The following ZMYND8 variants were observed in gnomAD, a reference collection of about 807,000 sequenced individuals.
The protein encoded by ZMYND8 is MYND-type zinc finger-containing chromatin reader ZMYND8.
Under a neutral mutation model 140.8 loss-of-function variants are expected in ZMYND8, and 37 were observed. The ratio of observed to expected loss-of-function variants is 0.26; its 90% CI spans 0.20 to 0.35. ZMYND8 has a LOEUF of 0.35. Among genes scored for constraint, ZMYND8 ranks in the 10% least tolerant of loss-of-function variants. The pLI is 1.00. For missense variants in ZMYND8, 1,068 were observed against 1,570.0 expected, an observed-to-expected ratio of 0.68 and a Z score of 5.40; for synonymous variants, 592 against 597.1, an observed-to-expected ratio of 0.99 and a Z score of 0.12.
rs371071088 is a variant in ZMYND8 at position 47,290,257 on chromosome 20, C to T, written c.678G>A (p.Met226Ile). The change falls in exon 7 of 23, where the codon ATG (methionine) becomes ATA (isoleucine). Residue 226 changes from methionine (M) to isoleucine (I), a missense_variant. Transcript: ENST00000471951. ...CCAGGAAGGCTTCTGTGCAGCCATA[C>T]ATTTTCTTTTTCGCATTCTGGGAAG... ...CTLEKNAKKK[M>I]YGCTEAFLAD... 6.2e-7 allele frequency: 1 copy of T among 1,613,226 alleles called. No homozygotes were observed. The highest frequency in any genetic ancestry group is 1.3e-5 in the African/African-American group (1 of 74,888).
intron 4 of ZMYND8, among the ~76,000 whole-genome samples, chr20:47,297,815 A>C (rs982535553): frequency 1.3e-5 from 2 of 152,198 alleles, no homozygotes; most frequent in African/African-American, 4.8e-5. Context: ...AAAACATCAG[A>C]GTTGGGGGTC....
At chr20:47,255,594 G>GTGTGTA (rs1555924059) in intron 12 of ZMYND8, among the ~76,000 whole-genome samples, 1 of 124,314 alleles carries the variant, frequency 8.0e-6, no homozygotes, top group Non-Finnish European at 1.6e-5. Flanking sequence ...GTGTGTGTGT[G>GTGTGTA]TATATATATA....
intron 2 of ZMYND8, chr20:47,319,091 C>T: frequency 7.7e-7 from 1 of 1,301,298 alleles, no homozygotes. Context: ...GCAAAGAGAA[C>T]AGGCTAAGAG....
chr20:47,216,084 C>T (rs1199672376), intron 21 of ZMYND8, among the ~76,000 whole-genome samples: 3 of 152,166 alleles, frequency 2.0e-5, no homozygotes, highest in East Asian at 1.9e-4. Context: ...CAGCCCTGAG[C>T]GCCCAGGGAT....
chr20:47,348,040 A>G (rs1357493919), intron 1 of ZMYND8, 114 bp from the exon 2 acceptor site: 3 of 1,026,744 alleles, frequency 2.9e-6, no homozygotes, highest in Non-Finnish European at 4.5e-6. Flanking sequence ...CCTCATCCTT[A>G]TCCAGGGCTG....
At chr20:47,301,545 A>G (rs1052192274) in intron 3 of ZMYND8, among the ~76,000 whole-genome samples, 2 of 152,102 alleles carry the variant, frequency 1.3e-5, no homozygotes, top group Non-Finnish European at 2.9e-5. Context: ...CACTGCTACA[A>G]TATTTTTTTC....
At chr20:47,232,368 A>AAAATAAATAAAT (rs3084712) in intron 16 of ZMYND8, among the ~76,000 whole-genome samples, 2,729 of 149,142 alleles carry the variant, frequency 0.018, 97 homozygotes, top group African/African-American at 0.065. Flanking sequence ...CCTTGTCTCA[A>AAAATAAATAAAT]AAATAAATAA....
chr20:47,351,772 G>C, intron 1 of ZMYND8: 1 of 985,402 alleles, frequency 1.0e-6, no homozygotes, highest in Non-Finnish European at 1.2e-6. Context: ...ATGGCGTCTG[G>C]CAACACTGCC....
intron 2 of ZMYND8, chr20:47,318,903 G>A (rs775697805): frequency 1.1e-5 from 14 of 1,308,264 alleles, no homozygotes; most frequent in East Asian, 4.7e-5. Context: ...CAAGTACCTC[G>A]GAGGCAGAAC....
chr20:47,315,916 G>A (rs1021392376), intron 2 of ZMYND8, among the ~76,000 whole-genome samples: 1 of 152,178 alleles, frequency 6.6e-6, no homozygotes, highest in Non-Finnish European at 1.5e-5. Context: ...CAGCCTTATG[G>A]AGAGGACAGA....
intron 5 of ZMYND8, among the ~76,000 whole-genome samples, chr20:47,292,184 G>A (rs1029684055): frequency 6.6e-6 from 1 of 152,182 alleles, no homozygotes; most frequent in Non-Finnish European, 1.5e-5. Flanking sequence ...CGCACTGTAA[G>A]TTAAAAAGAT....
chr20:47,356,330 AAAGAAAAAAAAAAAAAG>A, intron 1 of ZMYND8: 1 of 1,411,418 alleles, frequency 7.1e-7, no homozygotes, highest in Non-Finnish European at 9.3e-7. Context: ...GGGAAGAGGG[AAAGAAAAAAAAAAAAAG>A]AAGGAAAAAA....
chr20:47,271,741 C>T (rs747701667), intron 11 of ZMYND8, among the ~76,000 whole-genome samples: 3 of 151,940 alleles, frequency 2.0e-5, no homozygotes, highest in Non-Finnish European at 4.4e-5. Context: ...AGTACAGTGG[C>T]GTGATCTCAA....
rs79218879 is a variant in ZMYND8 at position 47,249,197 on chromosome 20, G to A, written c.1774+90C>T. On this transcript the variant is annotated intron_variant, in intron 13 of 22. Transcript: ENST00000471951. ...TAAAGCAGCTGCTAAAAGCAGCCAG[G>A]ATTCAACCTTGATTTCATCCAGGTG... is the stretch of plus-strand genomic sequence containing the variant. 1,163 of 1,471,202 alleles carry A rather than the reference G, an allele frequency of 7.9e-4. 10 individuals carry two copies. In the African/African-American group the frequency reaches 0.014, roughly 17 times the overall value. The allele number at this position is 1,471,202 out of a possible 1,614,324, so 91.1% of individuals were successfully genotyped here. A position where few individuals can be genotyped will look rare whatever the true frequency, so the allele number is the denominator to read the frequency against.
chr20:47,229,453 G>C (rs918529742), intron 17 of ZMYND8, among the ~76,000 whole-genome samples: 1 of 152,118 alleles, frequency 6.6e-6, no homozygotes, highest in African/African-American at 2.4e-5. Context: ...AAAAGAACTG[G>C]TGTCCAGTTT....
At chr20:47,229,330 C>A (rs117391998) in intron 17 of ZMYND8, among the ~76,000 whole-genome samples, 12 of 152,110 alleles carry the variant, frequency 7.9e-5, no homozygotes, top group African/African-American at 2.7e-4. Context: ...CTTGTCTACA[C>A]AATCACATAA....
rs200833449 is a variant in ZMYND8 at position 47,300,884 on chromosome 20, TTGTGTGTGTGTGTGTG to T, written c.235-1953_235-1938del. ...TGAGCGCCACCATGCACAACTAATT[TTGTGTGTGTGTGTGTG>T]TGTGTGTGTGTGTGTGTGTGTGTGT... On this transcript the variant is annotated intron_variant, in intron 3 of 22. Coordinates refer to ENST00000471951, the MANE Select transcript of ZMYND8 (RefSeq NM_001281775.3). Among the ~76,000 whole-genome samples, 253 of 130,386 alleles carry T rather than the reference TTGTGTGTGTGTGTGTG, an allele frequency of 1.9e-3. 2 individuals carry two copies. Among genetic ancestry groups the T allele is most frequent in the Middle Eastern group, 0.011 (3 of 278 alleles). The allele number at this position is 130,386 out of a possible 152,430, so 85.5% of individuals were successfully genotyped here.
At chr20:47,244,413 C>T in intron 14 of ZMYND8, among the ~76,000 whole-genome samples, 1 of 152,284 alleles carries the variant, frequency 6.6e-6, no homozygotes, top group Middle Eastern at 3.4e-3. Flanking sequence ...AATTGCCAAG[C>T]CAACTCAAAA....
At chr20:47,218,062 C>T (rs974258930) in intron 21 of ZMYND8, among the ~76,000 whole-genome samples, 15 of 152,178 alleles carry the variant, frequency 9.9e-5, no homozygotes, top group African/African-American at 2.7e-4. Flanking sequence ...CACACTACAA[C>T]GGCAGGGTGA....
Sources: allele counts gnomAD v4.1 joint callset (sites outside exome capture counted in the v4.1 genomes callset), GRCh38; gene constraint gnomAD v4.1.1; transcripts MANE v1.5; gene names NCBI Gene and HGNC (gene_info 2026-07-23, HGNC 2026-07-21).